TMEM117: variants seen among roughly 807,000 people sequenced by gnomAD.
TMEM117 encodes the protein transmembrane protein 117.
A neutral mutation model predicts 52.4 loss-of-function variants in TMEM117; 27 were observed. The observed-to-expected ratio is 0.51, with a 90% CI of 0.38 to 0.71. The LOEUF is 0.71. TMEM117 is among the 30% of genes least tolerant of loss of function. The pLI, the probability that TMEM117 is intolerant of heterozygous loss-of-function variation, is 0.00. For missense variants in TMEM117, 556 were observed against 630.5 expected (o/e 0.88, Z 1.26); for synonymous variants, 215 against 206.3 (o/e 1.04, Z -0.36).
chr12:44,208,939 C>A (rs1949610285), intron 4 of TMEM117, among the ~76,000 whole-genome samples: 2 of 151,744 alleles, frequency 1.3e-5, no homozygotes, highest in South Asian at 4.2e-4. Flanking sequence ...TCATTCTGTT[C>A]CTTGGAAATA....
chr12:44,230,367 C>T (rs1020018209), intron 5 of TMEM117, among the ~76,000 whole-genome samples: 2 of 152,062 alleles, frequency 1.3e-5, no homozygotes, highest in African/African-American at 2.4e-5. Flanking sequence ...ACCTCTCTCT[C>T]TCTGAAATGG....
At chr12:43,955,987 G>C (rs115692896) in intron 3 of TMEM117, among the ~76,000 whole-genome samples, 9,179 of 151,952 alleles carry the variant, frequency 0.06, 715 homozygotes, top group African/African-American at 0.18. Flanking sequence ...AAATAAACTC[G>C]CACATCTACA....
At chr12:44,266,913 A>G (rs749975114) in intron 5 of TMEM117, among the ~76,000 whole-genome samples, 11 of 152,108 alleles carry the variant, frequency 7.2e-5, no homozygotes, top group Admixed American at 4.6e-4. Flanking sequence ...TCAGAAATCA[A>G]TTGACCATGG....
At chr12:43,960,752 C>T (rs1255358242) in intron 3 of TMEM117, among the ~76,000 whole-genome samples, 1 of 152,104 alleles carries the variant, frequency 6.6e-6, no homozygotes, top group Non-Finnish European at 1.5e-5. Flanking sequence ...CCCATCTTAA[C>T]TACATAGAGC....
At chr12:44,277,544 T>C (rs1048253518) in intron 5 of TMEM117, among the ~76,000 whole-genome samples, 1 of 152,156 alleles carries the variant, frequency 6.6e-6, no homozygotes, top group African/African-American at 2.4e-5. Flanking sequence ...ATCTTGAGCT[T>C]GGGGCTCTTT....
At chr12:43,863,738 C>A (rs547777165) in intron 2 of TMEM117, among the ~76,000 whole-genome samples, 1 of 152,350 alleles carries the variant, frequency 6.6e-6, no homozygotes, top group African/African-American at 2.4e-5. Context: ...AGCGTGCTGG[C>A]AGCCCTCGCA....
At chr12:44,177,435 G>T (rs1346279902) in intron 4 of TMEM117, among the ~76,000 whole-genome samples, 4 of 152,138 alleles carry the variant, frequency 2.6e-5, no homozygotes, top group Non-Finnish European at 5.9e-5. Flanking sequence ...CATAAGCACA[G>T]ACTATAATTG....
chr12:44,072,473 T>G (rs1478438243), intron 3 of TMEM117, among the ~76,000 whole-genome samples: 2 of 152,154 alleles, frequency 1.3e-5, no homozygotes, highest in African/African-American at 4.8e-5. Context: ...TCTGAGTTAC[T>G]TTTGTGATAA....
At chr12:44,279,955 G>A (rs1409532012) in intron 5 of TMEM117, among the ~76,000 whole-genome samples, 1 of 152,084 alleles carries the variant, frequency 6.6e-6, no homozygotes, top group Non-Finnish European at 1.5e-5. Flanking sequence ...TCCTTCCCTA[G>A]ATTTTTACTG....
intron 3 of TMEM117, 46 bp from the exon 4 acceptor site, chr12:44,143,479 A>T: frequency 2.0e-6 from 3 of 1,476,646 alleles, no homozygotes; most frequent in Non-Finnish European, 2.8e-6. Context: ...CCTTAACTGT[A>T]TGACTCTCTG....
intron 3 of TMEM117, among the ~76,000 whole-genome samples, chr12:44,032,868 A>G (rs564886362): frequency 6.6e-6 from 1 of 152,200 alleles, no homozygotes; most frequent in South Asian, 2.1e-4. Context: ...TCCCTCTGCA[A>G]CCCGTAGGAT....
chr12:43,834,564 C>T (rs1173385721), upstream of TMEM117, among the ~76,000 whole-genome samples: 1 of 152,180 alleles, frequency 6.6e-6, no homozygotes, highest in Non-Finnish European at 1.5e-5. Context: ...CAAAAGAGAA[C>T]CTTACTAGTT....
chr12:44,340,927 T>G (rs940351347), intron 6 of TMEM117, among the ~76,000 whole-genome samples: 1 of 152,040 alleles, frequency 6.6e-6, no homozygotes, highest in African/African-American at 2.4e-5. Flanking sequence ...ATTAAGTAAC[T>G]TCTCACCATC....
At chr12:44,177,228 T>A (rs1488058983) in intron 4 of TMEM117, among the ~76,000 whole-genome samples, 1 of 152,186 alleles carries the variant, frequency 6.6e-6, no homozygotes, top group African/African-American at 2.4e-5. Flanking sequence ...TGGTCAAGTC[T>A]CTAAGTCTGT....
intron 3 of TMEM117, among the ~76,000 whole-genome samples, chr12:44,022,292 CTACAA>C (rs1261531311): frequency 1.3e-5 from 2 of 152,074 alleles, no homozygotes; most frequent in East Asian, 3.8e-4. Context: ...ATTGACCAAA[CTACAA>C]TACAAAGGTG....
At chr12:43,934,091 C>T (rs938802977) in intron 2 of TMEM117, among the ~76,000 whole-genome samples, 63 of 151,758 alleles carry the variant, frequency 4.2e-4, no homozygotes, top group African/African-American at 1.5e-3. Context: ...TATAATTTCA[C>T]TTAGTAGTAA....
chr12:44,350,923 T>C (rs1951553675), intron 6 of TMEM117, among the ~76,000 whole-genome samples: 1 of 152,032 alleles, frequency 6.6e-6, no homozygotes, highest in African/African-American at 2.4e-5. Flanking sequence ...TATTCTTAGA[T>C]TTTGAGGAAC....
chr12:44,030,999 G>A (rs1946625402), intron 3 of TMEM117, among the ~76,000 whole-genome samples: 1 of 152,080 alleles, frequency 6.6e-6, no homozygotes, highest in African/African-American at 2.4e-5. Flanking sequence ...GTTATAAAAG[G>A]TTTATGAGAA....
At chr12:43,999,191 G>A (rs1437543793) in intron 3 of TMEM117, among the ~76,000 whole-genome samples, 1 of 152,112 alleles carries the variant, frequency 6.6e-6, no homozygotes, top group African/African-American at 2.4e-5. Context: ...GCTGCTGTAT[G>A]TTATTTTTCT....
Sources: allele counts gnomAD v4.1 joint callset (sites outside exome capture counted in the v4.1 genomes callset), GRCh38; gene constraint gnomAD v4.1.1; transcripts MANE v1.5; gene names NCBI Gene and HGNC (gene_info 2026-07-23, HGNC 2026-07-21).